TEX2: variants seen among roughly 807,000 people sequenced by gnomAD.
TEX2 encodes the protein testis expressed 2, also known as testis-expressed protein 2.
Under a neutral mutation model 106.9 loss-of-function variants are expected in TEX2, and 53 were observed. The ratio of observed to expected loss-of-function variants is 0.50; its 90% CI spans 0.40 to 0.62. TEX2 has a LOEUF of 0.62. Among genes scored for constraint, TEX2 ranks in the 20% least tolerant of loss-of-function variants. The pLI is 0.00. For missense variants in TEX2, 1,207 were observed against 1,379.0 expected (o/e 0.88, Z 1.98); for synonymous variants, 523 against 534.8 (o/e 0.98, Z 0.30).
Position 64,213,326 on chromosome 17 carries a change from T to C in TEX2, c.892A>G (p.Ile298Val). The change falls in exon 2 of 12, where the codon ATC (isoleucine) becomes GTC (valine). Residue 298 changes from isoleucine (I) to valine (V), a missense_variant. Ile to Val is a conservative substitution (Grantham distance 29). Transcript: ENST00000584379. This position sits in a 1 kb window ranked among gnomAD's most constrained non-coding sequence, Gnocchi z 4.4. The part of the protein sequence containing the change: ...EDTKRRLSEV[I>V]YEPFQLLSKI... ...CTAAGGAGCTGAAAAGGCTCATAGA[T>C]GACTTCTGAAAGGCGTCGTTTAGTA... The C allele has an allele frequency of 6.2e-7, 1 of 1,614,080 alleles. No homozygotes were observed. The highest frequency in any genetic ancestry group is 8.5e-7 in the Non-Finnish European group (1 of 1,180,042).
chr17:64,195,325 T>C lies in TEX2; in HGVS notation c.1645-230A>G, dbSNP rs2032435435. ...TCTGGATTTGGAGGAAAAATGGCAA[T>C]GTTCATTATCCTAAATAAAAGGTTC... On this transcript the variant is annotated intron_variant, in intron 2 of 11. Coordinates refer to ENST00000584379, the MANE Select transcript of TEX2 (RefSeq NM_001288732.2). The surrounding 1 kb of genome is among the most constrained non-coding windows in gnomAD (Gnocchi z 4.1). Among the ~76,000 whole-genome samples, 2 of 152,122 alleles carry C rather than the reference T, an allele frequency of 1.3e-5. No homozygotes were observed. Among genetic ancestry groups the C allele is most frequent in the East Asian group, 1.9e-4 (1 of 5,200 alleles).
At chr17:64,189,697 C>T (rs2032221447) in intron 4 of TEX2, among the ~76,000 whole-genome samples, 1 of 152,094 alleles carries the variant, frequency 6.6e-6, no homozygotes, top group Non-Finnish European at 1.5e-5. Flanking sequence ...TAAAATCAAA[C>T]CAGGCTGGGC....
At chr17:64,184,095 A>G (rs748547337) in intron 5 of TEX2, among the ~76,000 whole-genome samples, 20 of 152,068 alleles carry the variant, frequency 1.3e-4, no homozygotes, top group Admixed American at 4.6e-4. Flanking sequence ...GTCTATTCAG[A>G]TCCTTTACCC....
chr17:64,184,243 A>G lies in TEX2; in HGVS notation c.2424+3925T>C, dbSNP rs148677291. 2.9e-3 allele frequency among the ~76,000 whole-genome samples: 438 copies of G among 152,006 alleles called. 2 individuals are homozygous for G. The highest frequency in any genetic ancestry group is 9.7e-3 in the African/African-American group (402 of 41,450). On this transcript the variant is annotated intron_variant, in intron 5 of 11. Transcript: ENST00000584379. Reference sequence around the variant, plus strand: ...TCTGAGTAGCTGGGACTGCAGGCACATGCCACTATGTCTGGCTAATTTTTT... The same window carrying G: ...TCTGAGTAGCTGGGACTGCAGGCACGTGCCACTATGTCTGGCTAATTTTTT...
chr17:64,184,820 G>A (rs931026780), intron 5 of TEX2, among the ~76,000 whole-genome samples: 9 of 152,096 alleles, frequency 5.9e-5, no homozygotes, highest in African/African-American at 1.4e-4. Flanking sequence ...AGTTGTTCCC[G>A]CACCTTTGTT....
Position 64,188,267 on chromosome 17 carries a change from G to T in TEX2, c.2325C>A (p.Asp775Glu). The change falls in exon 5 of 12, where the codon GAC (aspartate) becomes GAA (glutamate). Residue 775 changes from aspartate (D) to glutamate (E), a missense_variant. Physicochemically the swap from Asp to Glu is conservative, Grantham distance 45. This residue lies in a region of TEX2 where 1,067 missense variants were observed against 1,193.6 expected (regional missense o/e 0.89). Coordinates refer to ENST00000584379, the MANE Select transcript of TEX2 (RefSeq NM_001288732.2). Reference sequence around the variant, plus strand: ...CACACCTGCCCATGTACACGCTGTAGTCGAGAAGCATCTTCTGCCGCACGC... The same window carrying T: ...CACACCTGCCCATGTACACGCTGTATTCGAGAAGCATCTTCTGCCGCACGC... ...AGSVRQKMLL[D>E]YSVYMGRCVP... The T allele has an allele frequency of 6.2e-7, 1 of 1,614,048 alleles. No homozygotes were observed. The highest frequency in any genetic ancestry group is 8.5e-7 in the Non-Finnish European group (1 of 1,180,026).
intron 4 of TEX2, 95 bp downstream of exon 4, chr17:64,193,464 C>A (rs2032365106): frequency 6.7e-5 from 34 of 505,482 alleles, no homozygotes; most frequent in South Asian, 5.1e-4. Context: ...TCAGGGTGGG[C>A]TTCCTTCCTT....
intron 1 of TEX2, among the ~76,000 whole-genome samples, chr17:64,221,389 A>T (rs1555633285): frequency 6.6e-6 from 1 of 152,210 alleles, no homozygotes; most frequent in Non-Finnish European, 1.5e-5. Flanking sequence ...TGGGCAAAGG[A>T]CTTGAAAGGA....
chr17:64,262,958 G>A (rs1296281391), intron 1 of TEX2, among the ~76,000 whole-genome samples: 2 of 152,110 alleles, frequency 1.3e-5, no homozygotes, highest in Admixed American at 1.3e-4. Flanking sequence ...GCGGGGCCCC[G>A]AAGGAAGGGA....
chr17:64,212,966 A>G lies in TEX2; in HGVS notation c.1252T>C (p.Phe418Leu), dbSNP rs199537232. 356 of 1,613,844 alleles carry G rather than the reference A, an allele frequency of 2.2e-4. No individual in the cohort carries two copies. The highest frequency in any genetic ancestry group is 2.8e-4 in the Non-Finnish European group (334 of 1,179,998). Residue 418 changes from phenylalanine to leucine, a missense_variant, in exon 2 of 12, where the codon TTT (phenylalanine) becomes CTT (leucine). By Grantham distance (22) the Phe-to-Leu change is conservative. Transcript: ENST00000584379. ...SALVSKEDEE[F>L]CELYTEDFDL... ...AAGTCCTCAGTGTACAGTTCACAAA[A>G]CTCTTCATCTTCTTTGCTCACTAAG...
In TEX2 at chr17:64,147,239, CT is replaced by C. The variant is rs1434485166; in HGVS notation, c.*1729del. 1 of 152,192 alleles carries C rather than the reference CT, an allele frequency of 6.6e-6. No homozygotes were observed. Among genetic ancestry groups the C allele is most frequent in the Non-Finnish European group, 1.5e-5 (1 of 68,064 alleles). 9.4% of individuals were successfully genotyped at this position (152,192 alleles called of 1,614,324 possible). On this transcript the variant is annotated 3_prime_UTR_variant, in exon 12 of 12. Transcript: ENST00000584379. ...CTCAGTTACGAACTTTCACTGGATT[CT>C]TTAAATGTGGGCTGAAGATAATGGC...
intron 2 of TEX2, among the ~76,000 whole-genome samples, chr17:64,199,491 C>T (rs1347236828): frequency 2.6e-5 from 4 of 152,124 alleles, no homozygotes; most frequent in African/African-American, 7.2e-5. Context: ...CCCACCTTGG[C>T]CTCCCAAAGT....
chr17:64,213,306 G>A lies in TEX2; in HGVS notation c.912C>T (p.Leu304=), dbSNP rs782567560. 6 of 1,614,066 alleles carry A rather than the reference G, an allele frequency of 3.7e-6. No homozygotes were observed. The highest frequency in any genetic ancestry group is 2.2e-5 in the East Asian group (1 of 44,890). The change falls in exon 2 of 12, where the codon CTC becomes CTT. Residue 304 remains leucine, a synonymous_variant. Transcript: ENST00000584379. The surrounding 1 kb of genome is among the most constrained non-coding windows in gnomAD (Gnocchi z 4.4). The part of the protein sequence containing the change: ...LSEVIYEPFQ[L]LSKIIGEESG... ...TTTCTTCCCCTATAATTTTACTAAG[G>A]AGCTGAAAAGGCTCATAGATGACTT...
chr17:64,159,489 A>G, intron 8 of TEX2, among the ~76,000 whole-genome samples: 1 of 152,180 alleles, frequency 6.6e-6, no homozygotes, highest in East Asian at 1.9e-4. Flanking sequence ...AAATTGGGGA[A>G]GTCTATAAGA....
intron 7 of TEX2, 112 bp from the exon 8 acceptor site, chr17:64,161,045 T>A: frequency 8.6e-7 from 1 of 1,161,644 alleles, no homozygotes; most frequent in Non-Finnish European, 1.2e-6. Flanking sequence ...AGTCCATGTA[T>A]CGTCTACTAC....
chr17:64,223,615 TGAGA>T (rs2033422349), intron 1 of TEX2, among the ~76,000 whole-genome samples: 1 of 151,088 alleles, frequency 6.6e-6, no homozygotes, highest in Non-Finnish European at 1.5e-5. Flanking sequence ...GAGGAAAGAA[TGAGA>T]GACAGGGTAA....
chr17:64,187,771 C>T lies in TEX2; in HGVS notation c.2424+397G>A, dbSNP rs530423428. 3.9e-5 allele frequency among the ~76,000 whole-genome samples: 6 copies of T among 152,298 alleles called. No homozygotes were observed. The South Asian group carries it at 1.2e-3, about 32-fold the overall frequency. ...TCCCACCTGGAGTGCTCCTCCCACACCCATCACCATGGCTCACTCCCCCGT... is the reference window on the plus strand; with the variant it reads ...TCCCACCTGGAGTGCTCCTCCCACATCCATCACCATGGCTCACTCCCCCGT... On this transcript the variant is annotated intron_variant, in intron 5 of 11. Coordinates refer to ENST00000584379, the MANE Select transcript of TEX2 (RefSeq NM_001288732.2).
chr17:64,149,657 C>T (rs2030241890), intron 11 of TEX2: 1 of 152,744 alleles, frequency 6.5e-6, no homozygotes, highest in Non-Finnish European at 1.5e-5. Flanking sequence ...GTAGCTCACA[C>T]CTGTAATCCC....
intron 1 of TEX2, among the ~76,000 whole-genome samples, chr17:64,221,006 G>A (rs927762303): frequency 1.4e-4 from 22 of 152,152 alleles, no homozygotes; most frequent in Non-Finnish European, 2.4e-4. Flanking sequence ...ATACACCATG[G>A]AATACTATGC....
Sources: allele counts gnomAD v4.1 joint callset (sites outside exome capture counted in the v4.1 genomes callset), GRCh38; gene constraint gnomAD v4.1.1; regional missense constraint gnomAD v4.1.1; non-coding constraint Gnocchi (gnomAD v3.1); transcripts MANE v1.5; gene names NCBI Gene and HGNC (gene_info 2026-07-23, HGNC 2026-07-21).